LIN54: variants seen among roughly 807,000 people sequenced by gnomAD.
LIN54 encodes lin-54 DREAM MuvB core complex component.
In LIN54, 9 loss-of-function variants were observed where a neutral mutation model predicts 78.7. The ratio of observed to expected loss-of-function variants is 0.11; its 90% CI spans 0.07 to 0.20. The LOEUF (loss-of-function observed/expected upper bound fraction) is 0.20. Among genes scored for constraint, LIN54 ranks in the 10% least tolerant of loss-of-function variants. The pLI is 1.00. For missense variants in LIN54, 573 were observed against 889.9 expected (o/e 0.64, Z 4.53); for synonymous variants, 269 against 318.4 (o/e 0.84, Z 1.65).
intron 12 of LIN54, among the ~76,000 whole-genome samples, 194 bp downstream of exon 12, chr4:82,930,749 T>C (rs115370532): frequency 0.017 from 2,533 of 152,310 alleles, 31 homozygotes; most frequent in Non-Finnish European, 0.026. Flanking sequence ...TTACTGTGCA[T>C]TTTCGAACTG....
chr4:82,965,395 T>G (rs1725120911), intron 4 of LIN54, among the ~76,000 whole-genome samples: 2 of 152,114 alleles, frequency 1.3e-5, no homozygotes, highest in African/African-American at 4.8e-5. Flanking sequence ...CTAGTAACAT[T>G]AGATTCAAAG....
At chr4:82,947,402 G>A (rs1723489898) in intron 4 of LIN54, among the ~76,000 whole-genome samples, 1 of 22,640 alleles carries the variant, frequency 4.4e-5, no homozygotes, top group South Asian at 1.6e-3. Context: ...ATTTGTGTGT[G>A]TGTGTGTGTG....
chr4:82,988,688 T>C (rs1727390017), intron 1 of LIN54, among the ~76,000 whole-genome samples: 1 of 152,208 alleles, frequency 6.6e-6, no homozygotes, highest in Non-Finnish European at 1.5e-5. Context: ...TTCCAGCTGC[T>C]GCACAGCCTC....
chr4:82,961,955 CAA>C (rs11338764), intron 4 of LIN54, among the ~76,000 whole-genome samples: 84 of 123,128 alleles, frequency 6.8e-4, no homozygotes, highest in South Asian at 7.3e-4. Flanking sequence ...GACTCTGTCT[CAA>C]AAAAAAAAAA....
At chr4:82,957,876 GA>G (rs1327458926) in intron 4 of LIN54, among the ~76,000 whole-genome samples, 1 of 152,168 alleles carries the variant, frequency 6.6e-6, no homozygotes, top group Non-Finnish European at 1.5e-5. Context: ...AAAGAGCACA[GA>G]AAATGCCCCT....
chr4:82,962,120 T>C (rs6841383), intron 4 of LIN54, among the ~76,000 whole-genome samples: 82,201 of 151,942 alleles, frequency 0.54, 24,082 homozygotes, highest in East Asian at 0.78. Flanking sequence ...ATATAGAGTC[T>C]TGCTATGTTG....
upstream of LIN54, chr4:83,010,866 C>A (rs1729816956): frequency 1.7e-6 from 2 of 1,209,856 alleles, no homozygotes; most frequent in Non-Finnish European, 2.1e-6. Context: ...CCGCCCCACC[C>A]GGGAGGCGCA....
chr4:82,944,209 C>T (rs1048396786), intron 5 of LIN54, among the ~76,000 whole-genome samples: 1 of 152,128 alleles, frequency 6.6e-6, no homozygotes, highest in Non-Finnish European at 1.5e-5. Context: ...TTCCTCCACT[C>T]TCCCTGGATC....
At chr4:82,979,320 G>T (rs1726427069) in intron 2 of LIN54, among the ~76,000 whole-genome samples, 1 of 152,066 alleles carries the variant, frequency 6.6e-6, no homozygotes, top group South Asian at 2.1e-4. Context: ...CTGTGGCACA[G>T]TAATATTCTT....
At chr4:82,975,864 A>C (rs971676202) in intron 3 of LIN54, among the ~76,000 whole-genome samples, 2 of 152,196 alleles carry the variant, frequency 1.3e-5, no homozygotes, top group Non-Finnish European at 2.9e-5. Context: ...ATTTAACAGA[A>C]GTTTAAGATA....
rs1160921811 is a variant in LIN54 at position 83,001,721 on chromosome 4, G to A, written c.-33+8763C>T. Reference sequence around the variant, plus strand: ...AAATTAGCTGGGCGTGGTGGCGGGCGCCTGTTGTCCCAGCTACCAGGGAGG... The same window carrying A: ...AAATTAGCTGGGCGTGGTGGCGGGCACCTGTTGTCCCAGCTACCAGGGAGG... On this transcript the variant is annotated intron_variant, in intron 1 of 12. Transcript: ENST00000340417. 4.7e-5 allele frequency among the ~76,000 whole-genome samples: 7 copies of A among 148,636 alleles called. No homozygotes were observed. The East Asian group carries it at 9.9e-4, about 21-fold the overall frequency.
At chr4:82,952,713 T>C (rs1361368951) in intron 4 of LIN54, among the ~76,000 whole-genome samples, 1 of 152,208 alleles carries the variant, frequency 6.6e-6, no homozygotes, top group Non-Finnish European at 1.5e-5. Context: ...ACAACTCAAG[T>C]GTCCACAGAC....
chr4:83,005,189 C>A (rs1729240615), intron 1 of LIN54, among the ~76,000 whole-genome samples: 1 of 152,186 alleles, frequency 6.6e-6, no homozygotes, highest in African/African-American at 2.4e-5. Context: ...AGCCACCGCA[C>A]CTGGCCTATA....
At chr4:82,950,120 G>T (rs1157929363) in intron 4 of LIN54, among the ~76,000 whole-genome samples, 1 of 152,124 alleles carries the variant, frequency 6.6e-6, no homozygotes, top group Non-Finnish European at 1.5e-5. Context: ...TTACAGGTGT[G>T]AGCCACAGTG....
intron 2 of LIN54, among the ~76,000 whole-genome samples, chr4:82,983,434 T>C (rs1726858763): frequency 6.6e-6 from 1 of 152,186 alleles, no homozygotes; most frequent in South Asian, 2.1e-4. Context: ...ATACTAATAA[T>C]AGGTACCATT....
upstream of LIN54, chr4:83,010,924 C>A (rs183332374): frequency 2.2e-6 from 2 of 928,288 alleles, no homozygotes; most frequent in Non-Finnish European, 1.4e-6. Flanking sequence ...AACCTTCAAA[C>A]GCACAAGGGC....
intron 2 of LIN54, among the ~76,000 whole-genome samples, chr4:82,981,397 G>T (rs1266670090): frequency 6.6e-6 from 1 of 151,838 alleles, no homozygotes; most frequent in East Asian, 1.9e-4. Flanking sequence ...TTTCAAGATG[G>T]CCTCCATCTT....
In LIN54 at chr4:82,984,698, G is replaced by C. The variant is rs1193050483; in HGVS notation, c.147C>G (p.Asn49Lys). The change falls in exon 2 of 13, where the codon AAC becomes AAG. Residue 49 changes from asparagine (N) to lysine (K), a missense_variant. Asn to Lys is a moderately conservative substitution (Grantham distance 94, BLOSUM62 0). This residue lies in a region of LIN54 where 183 missense variants were observed against 228.4 expected (regional missense o/e 0.80). Coordinates refer to ENST00000340417, the MANE Select transcript of LIN54 (RefSeq NM_194282.4). ...CTGTAGAGTCACCAGTAGAATTTAT[G>C]TTGACAATTTCTTCCAGTTCTGTCT... is the stretch of plus-strand genomic sequence containing the variant. ...PMETELEEIV[N>K]INSTGDSTAT... 1 of 1,614,158 alleles carries C rather than the reference G, an allele frequency of 6.2e-7. No individual in the cohort carries two copies. Among genetic ancestry groups the C allele is most frequent in the Non-Finnish European group, 8.5e-7 (1 of 1,180,036 alleles).
At chr4:83,010,153 C>G (rs1322028009) in intron 1 of LIN54, among the ~76,000 whole-genome samples, 9 of 152,134 alleles carry the variant, frequency 5.9e-5, no homozygotes, top group African/African-American at 1.7e-4. Context: ...CAATGCTCTG[C>G]CTCCCTAAAG....
Sources: allele counts gnomAD v4.1 joint callset (sites outside exome capture counted in the v4.1 genomes callset), GRCh38; gene constraint gnomAD v4.1.1; regional missense constraint gnomAD v4.1.1; transcripts MANE v1.5; gene names NCBI Gene and HGNC (gene_info 2026-07-23, HGNC 2026-07-21).